IRF2BP1: variants seen among roughly 807,000 people sequenced by gnomAD.
IRF2BP1 encodes the protein interferon regulatory factor 2 binding protein 1, also known as interferon regulatory factor 2-binding protein 1.
Under a neutral mutation model 38.6 loss-of-function variants are expected in IRF2BP1, and 9 were observed. The ratio of observed to expected loss-of-function variants is 0.23; its 90% CI spans 0.14 to 0.41. IRF2BP1 has a LOEUF of 0.41. Ranked by LOEUF, IRF2BP1 falls within the 10% of genes least tolerant of loss-of-function variation. The probability of loss-of-function intolerance (pLI) is 1.00; values close to 1 mark genes in which losing one functional copy is unlikely to be tolerated. For missense variants in IRF2BP1, 631 were observed against 829.6 expected (o/e 0.76, Z 2.94); for synonymous variants, 416 against 383.4 (o/e 1.08, Z -0.99).
chr19:45,885,110 C>T lies in IRF2BP1; in HGVS notation c.665G>A (p.Trp222Ter). 6.2e-7 allele frequency: 1 copy of T among 1,611,836 alleles called. No homozygotes were observed. The highest frequency in any genetic ancestry group is 8.5e-7 in the Non-Finnish European group (1 of 1,180,030). ...CCGCACTGCTTTGGGGCGCCCGTGCCATTCCTCTGCCCGGCCTCGCATGGC... is the reference window on the plus strand; with the variant it reads ...CCGCACTGCTTTGGGGCGCCCGTGCTATTCCTCTGCCCGGCCTCGCATGGC... Reference protein sequence around the residue: ...NEAMRGRAEEWHGRPKAVREQ... With the variant: ...NEAMRGRAEE The change falls in exon 1 of 1, where the codon TGG becomes TAG. Residue 222 changes from tryptophan to a stop codon, truncating the protein, a stop_gained. Transcript: ENST00000302165. LOFTEE classifies it high-confidence loss of function.
At position 45,883,829 on chromosome 19, in the gene IRF2BP1, C is replaced by T. The variant is rs961320016; in HGVS notation, c.*191G>A. 3.8e-6 allele frequency: 2 copies of T among 532,008 alleles called. No homozygotes were observed. The highest frequency in any genetic ancestry group is 6.5e-6 in the Non-Finnish European group (2 of 309,448). The allele number at this position is 532,008 out of a possible 1,614,324, so 33.0% of individuals were successfully genotyped here. On this transcript the variant is annotated 3_prime_UTR_variant, in exon 1 of 1. Coordinates refer to ENST00000302165, the MANE Select transcript of IRF2BP1 (RefSeq NM_015649.3). ...GGGGCCAAGGGACCCCAAACACCCC[C>T]TCGGACAGGAGCCACAAGCTTTCTC...
In IRF2BP1 at chr19:45,884,843, G is replaced by A; in HGVS notation, c.932C>T (p.Ser311Leu). 1 of 1,612,978 alleles carries A rather than the reference G, an allele frequency of 6.2e-7. No individual in the cohort carries two copies. Among genetic ancestry groups the A allele is most frequent in the Non-Finnish European group, 8.5e-7 (1 of 1,180,032 alleles). ...TTCATATTCGAGGTACTTGAAGCCC[G>A]AAGAAGCCAGTGCCTTGCCCGGCTC... ...LREPGKALAS[S>L]GFKYLEYERR... The change falls in exon 1 of 1, where the codon TCG (serine) becomes TTG (leucine). Residue 311 changes from serine to leucine, a missense_variant. Around this residue, in one of 5 missense-constraint regions of IRF2BP1, gnomAD observed 133 missense variants for 232.2 expected, o/e 0.57. Coordinates refer to ENST00000302165, the MANE Select transcript of IRF2BP1 (RefSeq NM_015649.3).
chr19:45,885,814 GGCCGCCGACGTGCGATCCGC>G lies in IRF2BP1; in HGVS notation c.-60_-41del. The G allele has an allele frequency of 2.0e-6, 3 of 1,490,318 alleles. No homozygotes were observed. The highest frequency in any genetic ancestry group is 1.3e-5 in the South Asian group (1 of 78,590). 92.3% of individuals were successfully genotyped at this position (1,490,318 alleles called of 1,614,324 possible). A position where few individuals can be genotyped will look rare whatever the true frequency, so the allele number is the denominator to read the frequency against. The stretch of plus-strand genomic sequence containing the variant: ...CGCCGCCCAGCTCCCGCGTTCCACC[GGCCGCCGACGTGCGATCCGC>G]GCCGCCAACGTTCGATCCGCGTCCC... On this transcript the variant is annotated 5_prime_UTR_variant, in exon 1 of 1. Transcript: ENST00000302165.
Position 45,884,441 on chromosome 19 carries a change from C to T in IRF2BP1, c.1334G>A (p.Gly445Glu). The change falls in exon 1 of 1, where the codon GGG (glycine) becomes GAG (glutamate). Residue 445 changes from glycine (G) to glutamate (E), a missense_variant. Around this residue, in one of 5 missense-constraint regions of IRF2BP1, gnomAD observed 201 missense variants for 215.3 expected, o/e 0.93. Coordinates refer to ENST00000302165, the MANE Select transcript of IRF2BP1 (RefSeq NM_015649.3). Reference protein sequence around the residue: ...HSPKDPGGGGGPVRAGGASPA... With the variant: ...HSPKDPGGGGEPVRAGGASPA... Reference sequence around the variant, plus strand: ...GCTGGCGCCCCCTGCACGCACAGGCCCCCCGCCTCCGCCAGGGTCCTTGGG... The same window carrying T: ...GCTGGCGCCCCCTGCACGCACAGGCTCCCCGCCTCCGCCAGGGTCCTTGGG... 1 of 1,597,114 alleles carries T rather than the reference C, an allele frequency of 6.3e-7. No homozygotes were observed. The highest frequency in any genetic ancestry group is 8.5e-7 in the Non-Finnish European group (1 of 1,177,246).
Position 45,885,226 on chromosome 19 carries a change from G to T in IRF2BP1, c.549C>A (p.Pro183=). The change falls in exon 1 of 1, where the codon CCC becomes CCA. Residue 183 remains proline (P), a synonymous_variant. Coordinates refer to ENST00000302165, the MANE Select transcript of IRF2BP1 (RefSeq NM_015649.3). ...AGAGGGGACGGGCAGGACTCAAGCC[G>T]GGTGCCAGCGTCAGGCCTCGGCTTC... is the stretch of plus-strand genomic sequence containing the variant. ...GLGSRGLTLA[P]GLSPARPLFG... is the part of the protein sequence containing the mutation. 1.2e-6 allele frequency: 2 copies of T among 1,605,260 alleles called. No homozygotes were observed. The highest frequency in any genetic ancestry group is 1.7e-6 in the Non-Finnish European group (2 of 1,179,970).
Position 45,884,427 on chromosome 19 carries a change from C to T in IRF2BP1, c.1348G>A (p.Gly450Arg). Reference sequence around the variant, plus strand: ...GAGGAGGCTGCAGGGCTGGCGCCCCCTGCACGCACAGGCCCCCCGCCTCCG... The same window carrying T: ...GAGGAGGCTGCAGGGCTGGCGCCCCTTGCACGCACAGGCCCCCCGCCTCCG... ...PGGGGGPVRA[G>R]GASPAASSTA... Residue 450 changes from glycine to arginine, a missense_variant, in exon 1 of 1, where the codon GGG becomes AGG. Around this residue, in one of 5 missense-constraint regions of IRF2BP1, gnomAD observed 201 missense variants for 215.3 expected, o/e 0.93. Coordinates refer to ENST00000302165, the MANE Select transcript of IRF2BP1 (RefSeq NM_015649.3). The T allele has an allele frequency of 6.3e-7, 1 of 1,598,392 alleles. No individual in the cohort carries two copies. Among genetic ancestry groups the T allele is most frequent in the African/African-American group, 1.3e-5 (1 of 74,898 alleles).
chr19:45,884,197 G>A lies in IRF2BP1; in HGVS notation c.1578C>T (p.Phe526=). The A allele has an allele frequency of 6.2e-7, 1 of 1,612,590 alleles. No individual in the cohort carries two copies. Among genetic ancestry groups the A allele is most frequent in the South Asian group, 1.1e-5 (1 of 90,990 alleles). The change falls in exon 1 of 1, where the codon TTC becomes TTT. Residue 526 remains phenylalanine, a synonymous_variant. Coordinates refer to ENST00000302165, the MANE Select transcript of IRF2BP1 (RefSeq NM_015649.3). ...TGAACTCCCGGGAGCAGGGAAAGCA[G>A]AACTTGTGTCCGGGCACCGAGGGGC... The part of the protein sequence containing the change: ...VQCPSVPGHK[F]CFPCSREFIK...
In IRF2BP1 at chr19:45,884,390, G is replaced by A. The variant is rs749803854; in HGVS notation, c.1385C>T (p.Pro462Leu). 6 of 1,604,538 alleles carry A rather than the reference G, an allele frequency of 3.7e-6. No homozygotes were observed. The highest frequency in any genetic ancestry group is 2.2e-5 in the East Asian group (1 of 44,766). Residue 462 changes from proline (P) to leucine (L), a missense_variant, in exon 1 of 1, where the codon CCG (proline) becomes CTG (leucine). By Grantham distance (98) the Pro-to-Leu change is moderately conservative. Around this residue, in one of 5 missense-constraint regions of IRF2BP1, gnomAD observed 201 missense variants for 215.3 expected, o/e 0.93. Transcript: ENST00000302165. ...GGCCACAAGGCGATGCTGGGTTGGC[G>A]GCTGGGCCGTGGAGGAGGCTGCAGG... ...ASPAASSTAQ[P>L]PTQHRLVARN...
rs1034511029 is a variant in IRF2BP1 at position 45,883,618 on chromosome 19, A to C, written c.*402T>G. The C allele has an allele frequency of 1.5e-4, 21 of 138,496 alleles. No homozygotes were observed. The highest frequency in any genetic ancestry group is 4.5e-4 in the East Asian group (2 of 4,428). The allele number at this position is 138,496 out of a possible 1,614,324, so 8.6% of individuals were successfully genotyped here. A position where few individuals can be genotyped will look rare whatever the true frequency, so the allele number is the denominator to read the frequency against. On this transcript the variant is annotated 3_prime_UTR_variant, in exon 1 of 1. Coordinates refer to ENST00000302165, the MANE Select transcript of IRF2BP1 (RefSeq NM_015649.3). The stretch of plus-strand genomic sequence containing the variant: ...TAAGGGACCAAGAAGGAAAAAAAAA[A>C]CCCATCTTTCGGTTTATTGAAGGAG...
In IRF2BP1 at chr19:45,886,112, G is replaced by A. The variant is rs1027282884; in HGVS notation, c.-338C>T. On this transcript the variant is annotated 5_prime_UTR_variant, in exon 1 of 1. Transcript: ENST00000302165. ...CGCTCTCGCCGCCGCCGCTGCAACG[G>A]CCGCCGCCGCCTCCACCTCCTTCTT... The A allele has an allele frequency of 2.3e-4, 44 of 195,336 alleles. No individual in the cohort carries two copies. Among genetic ancestry groups the A allele is most frequent in the African/African-American group, 1.0e-3 (43 of 42,782 alleles). The allele number at this position is 195,336 out of a possible 1,614,324, so 12.1% of individuals were successfully genotyped here.
At position 45,886,053 on chromosome 19, in the gene IRF2BP1, A is replaced by C; in HGVS notation, c.-279T>G. Reference sequence around the variant, plus strand: ...CGAGGCGCACAGCTCGGGCCCCACGATGGGCCGCGAGCGCCGCCGCCTCGG... The same window carrying C: ...CGAGGCGCACAGCTCGGGCCCCACGCTGGGCCGCGAGCGCCGCCGCCTCGG... On this transcript the variant is annotated 5_prime_UTR_variant, in exon 1 of 1. Coordinates refer to ENST00000302165, the MANE Select transcript of IRF2BP1 (RefSeq NM_015649.3). The C allele has an allele frequency of 2.9e-5, 8 of 275,768 alleles. No homozygotes were observed. The highest frequency in any genetic ancestry group is 6.1e-5 in the East Asian group (1 of 16,436). The allele number at this position is 275,768 out of a possible 1,614,324, so 17.1% of individuals were successfully genotyped here.
Position 45,885,831 on chromosome 19 carries a change from C to A in IRF2BP1, c.-57G>T. Reference sequence around the variant, plus strand: ...GTTCCACCGGCCGCCGACGTGCGATCCGCGCCGCCAACGTTCGATCCGCGT... The same window carrying A: ...GTTCCACCGGCCGCCGACGTGCGATACGCGCCGCCAACGTTCGATCCGCGT... On this transcript the variant is annotated 5_prime_UTR_variant, in exon 1 of 1. Coordinates refer to ENST00000302165, the MANE Select transcript of IRF2BP1 (RefSeq NM_015649.3). 1 of 1,460,920 alleles carries A rather than the reference C, an allele frequency of 6.8e-7. No individual in the cohort carries two copies. The highest frequency in any genetic ancestry group is 9.0e-7 in the Non-Finnish European group (1 of 1,115,266). The allele number at this position is 1,460,920 out of a possible 1,614,324, so 90.5% of individuals were successfully genotyped here. A position where few individuals can be genotyped will look rare whatever the true frequency, so the allele number is the denominator to read the frequency against.
At position 45,884,290 on chromosome 19, in the gene IRF2BP1, C is replaced by T. The variant is rs1967026005; in HGVS notation, c.1485G>A (p.Ala495=). ...TACAGCACAGGGGGGCCCCAGGGGT[C>T]GCCCCAGTGCCGCTGCCACCCCCGC... ...AVSGGGSGTG[A]TPGAPLCCTL... Residue 495 remains alanine (A), a synonymous_variant, in exon 1 of 1, where the codon GCG becomes GCA. Transcript: ENST00000302165. 6.2e-7 allele frequency: 1 copy of T among 1,609,574 alleles called. No homozygotes were observed. The highest frequency in any genetic ancestry group is 1.7e-5 in the Admixed American group (1 of 59,650).
chr19:45,884,681 G>A lies in IRF2BP1; in HGVS notation c.1094C>T (p.Pro365Leu). The change falls in exon 1 of 1, where the codon CCA (proline) becomes CTA (leucine). Residue 365 changes from proline (P) to leucine (L), a missense_variant. This residue lies in a region of IRF2BP1 where 201 missense variants were observed against 215.3 expected (regional missense o/e 0.93). Transcript: ENST00000302165. Reference protein sequence around the residue: ...PEPAPAALCGPPPRAPSRNLA... With the variant: ...PEPAPAALCGLPPRAPSRNLA... ...GTTCCGGGATGGGGCTCGCGGGGGTGGGCCACAGAGAGCCGCAGGGGCCGG... is the reference window on the plus strand; with the variant it reads ...GTTCCGGGATGGGGCTCGCGGGGGTAGGCCACAGAGAGCCGCAGGGGCCGG... 6.2e-7 allele frequency: 1 copy of A among 1,604,734 alleles called. No individual in the cohort carries two copies. Among genetic ancestry groups the A allele is most frequent in the Middle Eastern group, 1.7e-4 (1 of 5,746 alleles).
Position 45,884,552 on chromosome 19 carries a change from G to A in IRF2BP1, c.1223C>T (p.Pro408Leu), listed in dbSNP as rs1416861907. The A allele has an allele frequency of 6.3e-7, 1 of 1,599,748 alleles. No individual in the cohort carries two copies. The highest frequency in any genetic ancestry group is 1.1e-5 in the South Asian group (1 of 91,070). The change falls in exon 1 of 1, where the codon CCC becomes CTC. Residue 408 changes from proline to leucine, a missense_variant. Transcript: ENST00000302165. ...GGTCTCAGCGGAGTACGGGCCGCCG[G>A]GTGCCACCCAGTGCCGTTGCTGCTG... ...EEQQQRHWVAPGGPYSAETPG... is the reference protein window; with the variant it reads ...EEQQQRHWVALGGPYSAETPG...
rs753804128 is a variant in IRF2BP1 at position 45,885,335 on chromosome 19, G to A, written c.440C>T (p.Ala147Val). The A allele has an allele frequency of 7.5e-6, 12 of 1,607,166 alleles. No individual in the cohort carries two copies. The African/African-American group carries it at 9.3e-5, about 13-fold the overall frequency. The stretch of plus-strand genomic sequence containing the variant: ...AAGCAAGGCCCTTCGCGCCCCCTCA[G>A]CCACGGCCTCCTCACGGCCCAGCCC... Reference protein sequence around the residue: ...ANGLGREEAVAEGARRALLGS... With the variant: ...ANGLGREEAVVEGARRALLGS... Residue 147 changes from alanine (A) to valine (V), a missense_variant, in exon 1 of 1, where the codon GCT becomes GTT. Physicochemically the swap from Ala to Val is moderately conservative, Grantham distance 64. Around this residue, in one of 5 missense-constraint regions of IRF2BP1, gnomAD observed 206 missense variants for 207.0 expected, o/e 1.00. Coordinates refer to ENST00000302165, the MANE Select transcript of IRF2BP1 (RefSeq NM_015649.3).
Position 45,885,999 on chromosome 19 carries a change from G to C in IRF2BP1, c.-225C>G. The C allele has an allele frequency of 4.1e-6, 2 of 482,540 alleles. No individual in the cohort carries two copies. The highest frequency in any genetic ancestry group is 6.9e-6 in the Non-Finnish European group (2 of 288,868). 29.9% of individuals were successfully genotyped at this position (482,540 alleles called of 1,614,324 possible). A position where few individuals can be genotyped will look rare whatever the true frequency, so the allele number is the denominator to read the frequency against. ...TCGCGAAGGCAGGCTGAGGCACGTC[G>C]GCGCCCCCGCCCGGTCCGGGCTCCG... is the stretch of plus-strand genomic sequence containing the variant. On this transcript the variant is annotated 5_prime_UTR_variant, in exon 1 of 1. Transcript: ENST00000302165.
Position 45,886,064 on chromosome 19 carries a change from G to GCGCCGCCGCCTCGGGCTCCCGCCGCTCT in IRF2BP1, c.-318_-291dup, listed in dbSNP as rs1427063199. The GCGCCGCCGCCTCGGGCTCCCGCCGCTCT allele has an allele frequency of 4.0e-5, 11 of 276,568 alleles. No individual in the cohort carries two copies. The highest frequency in any genetic ancestry group is 1.5e-4 in the South Asian group (1 of 6,878). 17.1% of individuals were successfully genotyped at this position (276,568 alleles called of 1,614,324 possible). ...GCTCGGGCCCCACGATGGGCCGCGA[G>GCGCCGCCGCCTCGGGCTCCCGCCGCTCT]CGCCGCCGCCTCGGGCTCCCGCCGC... On this transcript the variant is annotated 5_prime_UTR_variant, in exon 1 of 1. Coordinates refer to ENST00000302165, the MANE Select transcript of IRF2BP1 (RefSeq NM_015649.3).
chr19:45,884,457 G>A lies in IRF2BP1; in HGVS notation c.1318C>T (p.Pro440Ser), dbSNP rs755695392. The change falls in exon 1 of 1, where the codon CCT becomes TCT. Residue 440 changes from proline to serine, a missense_variant. By Grantham distance (74) the Pro-to-Ser change is moderately conservative (BLOSUM62 -1). Transcript: ENST00000302165. ...AEALGHSPKD[P>S]GGGGGPVRAG... ...CGCACAGGCCCCCCGCCTCCGCCAG[G>A]GTCCTTGGGTGAGTGGCCCAGGGCT... The A allele has an allele frequency of 6.3e-7, 1 of 1,599,206 alleles. No homozygotes were observed. Among genetic ancestry groups the A allele is most frequent in the Admixed American group, 1.7e-5 (1 of 59,800 alleles).
Sources: gnomAD v4.1 joint callset for allele counts on GRCh38, gnomAD v4.1.1 for gene constraint, gnomAD v4.1.1 regional missense constraint, MANE v1.5 for transcripts, NCBI Gene and HGNC (gene_info 2026-07-23, HGNC 2026-07-21) for gene names.